The following TMEM169 variants were observed in gnomAD, a reference collection of about 807,000 sequenced individuals.
TMEM169 encodes transmembrane protein 169.
Under a neutral mutation model 27.3 loss-of-function variants are expected in TMEM169, and 18 were observed. That is an observed-to-expected ratio of 0.66 (90% CI 0.46 to 0.98). The LOEUF (loss-of-function observed/expected upper bound fraction) is 0.98, where lower values mean the gene tolerates loss of function less well. TMEM169 is among the 50% of genes least tolerant of loss of function. The pLI, the probability that TMEM169 is intolerant of heterozygous loss-of-function variation, is 0.00. For missense variants in TMEM169, 320 were observed against 368.6 expected, an observed-to-expected ratio of 0.87 and a Z score of 1.08; for synonymous variants, 136 against 142.1, an observed-to-expected ratio of 0.96 and a Z score of 0.30.
At chr2:216,082,339 G>C (rs57310304) in intron 1 of TMEM169, 12,353 of 153,006 alleles carry the variant, frequency 0.081, 1,663 homozygotes, top group African/African-American at 0.28. Flanking sequence ...CCGGGAAAGA[G>C]AGTGAAGGGG....
At chr2:216,087,726 G>T (rs1380995460) in intron 1 of TMEM169, among the ~76,000 whole-genome samples, 2 of 152,204 alleles carry the variant, frequency 1.3e-5, no homozygotes, top group African/African-American at 4.8e-5. Context: ...TCACTGGTTT[G>T]CTGTGAATAT....
At chr2:216,094,447 G>T (rs1351971253) in intron 1 of TMEM169, among the ~76,000 whole-genome samples, 1 of 152,154 alleles carries the variant, frequency 6.6e-6, no homozygotes, top group African/African-American at 2.4e-5. Context: ...AGAAGTCAGA[G>T]AAATGGAATA....
At position 216,099,191 on chromosome 2, in the gene TMEM169, CAT is replaced by C. The variant is rs1696330369; in HGVS notation, c.272-728_272-727del. Among the ~76,000 whole-genome samples the C allele has an allele frequency of 6.8e-6, 1 of 146,066 alleles. No individual in the cohort carries two copies. The highest frequency in any genetic ancestry group is 2.6e-5 in the African/African-American group (1 of 39,116). ...GTATGTGTGGGGAGGTTGTGTGTGG[CAT>C]GTGTGTGGTGTATGTGTTATGTATG... On this transcript the variant is annotated intron_variant, in intron 2 of 2. Transcript: ENST00000437356. The surrounding 1 kb of genome is among the most constrained non-coding windows in gnomAD (Gnocchi z 5.0).
chr2:216,088,179 G>T (rs1368787009), intron 1 of TMEM169, among the ~76,000 whole-genome samples: 1 of 151,322 alleles, frequency 6.6e-6, no homozygotes, highest in Admixed American at 6.6e-5. Context: ...AAACAAACAG[G>T]CCGGGTGCAG....
At chr2:216,087,275 G>C (rs1221653191) in intron 1 of TMEM169, among the ~76,000 whole-genome samples, 1 of 152,112 alleles carries the variant, frequency 6.6e-6, no homozygotes, top group Non-Finnish European at 1.5e-5. Context: ...GTAATGGCAA[G>C]ACAAAATAAA....
Position 216,095,829 on chromosome 2 carries a change from A to T in TMEM169, c.-126-9A>T. 1.9e-6 allele frequency: 2 copies of T among 1,067,840 alleles called. No homozygotes were observed. The highest frequency in any genetic ancestry group is 3.5e-5 in the South Asian group (2 of 57,070). The allele number at this position is 1,067,840 out of a possible 1,614,324, so 66.1% of individuals were successfully genotyped here. A position where few individuals can be genotyped will look rare whatever the true frequency, so the allele number is the denominator to read the frequency against. On this transcript the variant is annotated splice_polypyrimidine_tract_variant and intron_variant, in intron 1 of 2. Coordinates refer to ENST00000437356, the MANE Select transcript of TMEM169 (RefSeq NM_001142311.2). ...TTCCTGTTGATGGCTTTGCTTTCCT[A>T]TCTTTCAGGTGGAATGCATCCTTGG...
chr2:216,085,646 G>C (rs944206367), intron 1 of TMEM169, among the ~76,000 whole-genome samples: 1 of 152,084 alleles, frequency 6.6e-6, no homozygotes, highest in Non-Finnish European at 1.5e-5. Context: ...CAAGGCGGGC[G>C]GATCACCTGA....
rs1696377627 is a variant in TMEM169 at position 216,100,692 on chromosome 2, T to C, written c.*150T>C. ...CTGATCAGTTTTACCATCTTGAGGG[T>C]TCCAGGAGGGCATGGAGCAGACAAG... On this transcript the variant is annotated 3_prime_UTR_variant, in exon 3 of 3. Transcript: ENST00000437356. 1 of 1,090,700 alleles carries C rather than the reference T, an allele frequency of 9.2e-7. No individual in the cohort carries two copies. The highest frequency in any genetic ancestry group is 2.5e-5 in the Admixed American group (1 of 39,498). The allele number at this position is 1,090,700 out of a possible 1,614,324, so 67.6% of individuals were successfully genotyped here. A position where few individuals can be genotyped will look rare whatever the true frequency, so the allele number is the denominator to read the frequency against.
rs1317305406 is a variant in TMEM169 at position 216,101,272 on chromosome 2, C to T, written c.*730C>T. ...AAATAGAGGAAAGGGCAGAGAAGCA[C>T]ACACCCTTCCTGTTCAAGGAGACTT... On this transcript the variant is annotated 3_prime_UTR_variant, in exon 3 of 3. Coordinates refer to ENST00000437356, the MANE Select transcript of TMEM169 (RefSeq NM_001142311.2). 1 of 152,876 alleles carries T rather than the reference C, an allele frequency of 6.5e-6. No homozygotes were observed. Among genetic ancestry groups the T allele is most frequent in the African/African-American group, 2.4e-5 (1 of 41,450 alleles). The allele number at this position is 152,876 out of a possible 1,614,324, so 9.5% of individuals were successfully genotyped here. A position where few individuals can be genotyped will look rare whatever the true frequency, so the allele number is the denominator to read the frequency against.
chr2:216,094,105 A>T (rs1332698970), intron 1 of TMEM169, among the ~76,000 whole-genome samples: 2 of 152,208 alleles, frequency 1.3e-5, no homozygotes, highest in Non-Finnish European at 2.9e-5. Context: ...ACTGAAATAC[A>T]GTGAGGGATT....
In TMEM169 at chr2:216,096,022, C is replaced by A. The variant is rs569168768; in HGVS notation, c.59C>A (p.Ser20Tyr). ...CAGCTTCCAAGCCCCCACCAGGGCT[C>A]TCTCAGGAAGGCTGTGGCTGCTGCC... is the stretch of plus-strand genomic sequence containing the variant. The part of the protein sequence containing the change: ...QVQLPSPHQG[S>Y]LRKAVAAALA... Residue 20 changes from serine (S) to tyrosine (Y), a missense_variant, in exon 2 of 3, where the codon TCT becomes TAT. Coordinates refer to ENST00000437356, the MANE Select transcript of TMEM169 (RefSeq NM_001142311.2). 1 of 1,614,206 alleles carries A rather than the reference C, an allele frequency of 6.2e-7. No homozygotes were observed. The highest frequency in any genetic ancestry group is 2.2e-5 in the East Asian group (1 of 44,894).
At chr2:216,088,276 G>A (rs1384428313) in intron 1 of TMEM169, among the ~76,000 whole-genome samples, 1 of 152,012 alleles carries the variant, frequency 6.6e-6, no homozygotes, top group African/African-American at 2.4e-5. Flanking sequence ...TGGCTAACAC[G>A]GTGAAACCCC....
intron 2 of TMEM169, among the ~76,000 whole-genome samples, chr2:216,097,041 G>A (rs551235903): frequency 2.0e-5 from 3 of 152,188 alleles, no homozygotes; most frequent in Non-Finnish European, 2.9e-5. Context: ...AGTGGAAGCC[G>A]CTTCAACCAC....
intron 1 of TMEM169, among the ~76,000 whole-genome samples, chr2:216,088,255 C>T (rs200569563): frequency 2.6e-5 from 4 of 151,674 alleles, no homozygotes; most frequent in Non-Finnish European, 4.4e-5. Flanking sequence ...GTCAGGAGAT[C>T]GAGACCATCC....
Position 216,089,125 on chromosome 2 carries a change from G to A in TMEM169, c.-126-6713G>A, listed in dbSNP as rs139938110. Reference sequence around the variant, plus strand: ...TATGGGTTGGAGAAAGCAGATAAGGGAGCAAAAGAAACAGAAGGAAGGTTT... The same window carrying A: ...TATGGGTTGGAGAAAGCAGATAAGGAAGCAAAAGAAACAGAAGGAAGGTTT... On this transcript the variant is annotated intron_variant, in intron 1 of 2. Transcript: ENST00000437356. 7.2e-4 allele frequency among the ~76,000 whole-genome samples: 109 copies of A among 152,304 alleles called. 1 individual carries two copies. Among genetic ancestry groups the A allele is most frequent in the African/African-American group, 2.4e-3 (100 of 41,572 alleles).
rs886088760 is a variant in TMEM169, at chr2:216,092,351, G to GTT, written c.-126-3479_-126-3478dup. ...AGTGTCGAACACTACACCTTTTTAT[G>GTT]TTTTTTTTTAATTAAATTAATTCTT... On this transcript the variant is annotated intron_variant, in intron 1 of 2. Coordinates refer to ENST00000437356, the MANE Select transcript of TMEM169 (RefSeq NM_001142311.2). Among the ~76,000 whole-genome samples the GTT allele has an allele frequency of 2.6e-5, 4 of 151,296 alleles. No homozygotes were observed. The South Asian group carries it at 8.4e-4, about 32-fold the overall frequency.
chr2:216,092,252 G>T (rs1696151370), intron 1 of TMEM169, among the ~76,000 whole-genome samples: 1 of 152,086 alleles, frequency 6.6e-6, no homozygotes, highest in Non-Finnish European at 1.5e-5. Flanking sequence ...TTCTGTACTA[G>T]TCTGTCCCTG....
rs754666930 is a variant in TMEM169, at chr2:216,096,188, T to G, written c.225T>G (p.Pro75=). 6.2e-7 allele frequency: 1 copy of G among 1,614,142 alleles called. No homozygotes were observed. The highest frequency in any genetic ancestry group is 8.5e-7 in the Non-Finnish European group (1 of 1,180,022). ...EPGESEGGDQ[P]KEEEGDDFLD... ...GAGAATCAGAAGGTGGAGATCAGCC[T>G]AAAGAGGAGGAGGGAGATGATTTCC... is the stretch of plus-strand genomic sequence containing the variant. The change falls in exon 2 of 3, where the codon CCT becomes CCG. Residue 75 remains proline (P), a synonymous_variant. Transcript: ENST00000437356.
intron 2 of TMEM169, among the ~76,000 whole-genome samples, chr2:216,097,638 T>C (rs1252070924): frequency 6.6e-6 from 1 of 152,120 alleles, no homozygotes; most frequent in African/African-American, 2.4e-5. Context: ...TCTATTTGTG[T>C]AGATGGATAG....
Sources: allele counts gnomAD v4.1 joint callset (sites outside exome capture counted in the v4.1 genomes callset), GRCh38; gene constraint gnomAD v4.1.1; non-coding constraint Gnocchi (gnomAD v3.1); transcripts MANE v1.5; gene names NCBI Gene and HGNC (gene_info 2026-07-23, HGNC 2026-07-21).